LGR4: variants seen among roughly 807,000 people sequenced by gnomAD.
LGR4 encodes leucine rich repeat containing G protein-coupled receptor 4.
A neutral mutation model predicts 84.8 loss-of-function variants in LGR4; 44 were observed. The ratio of observed to expected loss-of-function variants is 0.52; its 90% CI spans 0.41 to 0.67. The LOEUF is 0.67. LGR4 is among the 30% of genes least tolerant of loss of function. The probability of loss-of-function intolerance (pLI) is 0.00; values close to 1 mark genes in which losing one functional copy is unlikely to be tolerated. For synonymous variants in LGR4, 429 were observed against 434.3 expected, an observed-to-expected ratio of 0.99 and a Z score of 0.15; for missense variants, 1,032 against 1,131.4, an observed-to-expected ratio of 0.91 and a Z score of 1.26.
chr11:27,437,367 A>G (rs1864230184), intron 1 of LGR4, among the ~76,000 whole-genome samples: 1 of 152,176 alleles, frequency 6.6e-6, no homozygotes, highest in Non-Finnish European at 1.5e-5. Flanking sequence ...CAGACCAAAG[A>G]CATGCTACTA....
chr11:27,429,794 AAAAG>A (rs1405245381), intron 1 of LGR4, among the ~76,000 whole-genome samples: 1 of 152,202 alleles, frequency 6.6e-6, no homozygotes, highest in East Asian at 1.9e-4. Context: ...AGAGCAAAGG[AAAAG>A]AAACACAAGG....
At position 27,368,476 on chromosome 11, in the gene LGR4, G is replaced by A. The variant is rs780915503; in HGVS notation, c.2247C>T (p.Val749=). 6.2e-7 allele frequency: 1 copy of A among 1,614,180 alleles called. No homozygotes were observed. The highest frequency in any genetic ancestry group is 2.2e-5 in the East Asian group (1 of 44,884). The change falls in exon 18 of 18, where the codon GTC becomes GTT. Residue 749 remains valine, a synonymous_variant. Coordinates refer to ENST00000379214, the MANE Select transcript of LGR4 (RefSeq NM_018490.5). The part of the protein sequence containing the change: ...ENSQSSMIKH[V]AWLIFTNCIF... ...TGCAATTGGTGAAGATTAGCCAAGC[G>A]ACATGCTTAATCATGCTAGATTGTG...
chr11:27,376,669 C>T (rs923887467), intron 12 of LGR4, among the ~76,000 whole-genome samples: 13 of 152,080 alleles, frequency 8.5e-5, no homozygotes, highest in African/African-American at 2.9e-4. Context: ...CCCCATCAAC[C>T]CCACTCAGGC....
intron 2 of LGR4, among the ~76,000 whole-genome samples, chr11:27,405,353 C>G (rs1863585857): frequency 6.6e-6 from 1 of 152,102 alleles, no homozygotes; most frequent in Non-Finnish European, 1.5e-5. Flanking sequence ...TCAAGTGTTT[C>G]CCAAGGAGTT....
intron 2 of LGR4, among the ~76,000 whole-genome samples, chr11:27,411,994 T>C (rs970249237): frequency 6.6e-6 from 1 of 152,236 alleles, no homozygotes; most frequent in African/African-American, 2.4e-5. Context: ...CCTACCTCTA[T>C]ATATTATATA....
chr11:27,425,215 T>A (rs1863999919), intron 1 of LGR4, among the ~76,000 whole-genome samples: 1 of 151,770 alleles, frequency 6.6e-6, no homozygotes, highest in South Asian at 2.1e-4. Context: ...AAATAAAAAA[T>A]AAAGAATGTA....
intron 1 of LGR4, among the ~76,000 whole-genome samples, chr11:27,462,950 G>C (rs1340366706): frequency 6.6e-6 from 1 of 151,288 alleles, no homozygotes; most frequent in Non-Finnish European, 1.5e-5. Context: ...AGAAGTCTGA[G>C]GGCCTGGCGC....
chr11:27,374,927 A>G (rs148063855), intron 13 of LGR4, among the ~76,000 whole-genome samples: 4 of 152,278 alleles, frequency 2.6e-5, no homozygotes, highest in African/African-American at 7.2e-5. Context: ...GGGATATACT[A>G]AAAAACTGTA....
chr11:27,393,942 G>T (rs866629093), intron 2 of LGR4, among the ~76,000 whole-genome samples: 4 of 121,440 alleles, frequency 3.3e-5, no homozygotes, highest in Non-Finnish European at 3.4e-5. Context: ...TGAAGATTGG[G>T]GGGGGGGGGG....
chr11:27,373,451 C>G, intron 15 of LGR4, 100 bp downstream of exon 15: 1 of 1,151,258 alleles, frequency 8.7e-7, no homozygotes, highest in Non-Finnish European at 1.2e-6. Context: ...AAATTATAGC[C>G]TATCAGAAAA....
At chr11:27,381,785 C>T (rs2127062) in intron 7 of LGR4, among the ~76,000 whole-genome samples, 36,604 of 152,104 alleles carry the variant, frequency 0.24, 5,620 homozygotes, top group East Asian at 0.45. Context: ...GGTCAAACTC[C>T]TTCCTTTTGG....
intron 1 of LGR4, among the ~76,000 whole-genome samples, chr11:27,467,566 C>CAAAAAAAAAAAAAAAAAAAAAAAAAA (rs761925670): frequency 1.9e-4 from 10 of 51,834 alleles, no homozygotes; most frequent in African/African-American, 5.2e-4. Flanking sequence ...GAGTCCGTCT[C>CAAAAAAAAAAAAAAAAAAAAAAAAAA]AAAAAAAAAA....
At chr11:27,391,231 G>A in intron 3 of LGR4, 66 bp from the exon 4 acceptor site, 1 of 628,796 alleles carries the variant, frequency 1.6e-6, no homozygotes. Context: ...GAAAAATTCA[G>A]AGCCTTTTTT....
intron 2 of LGR4, among the ~76,000 whole-genome samples, chr11:27,408,575 C>T (rs1248935789): frequency 2.0e-5 from 3 of 152,056 alleles, no homozygotes; most frequent in Non-Finnish European, 4.4e-5. Context: ...AGCCATCCCC[C>T]AAATGACTAC....
chr11:27,471,573 T>C (rs932234172), intron 1 of LGR4, among the ~76,000 whole-genome samples: 1 of 152,158 alleles, frequency 6.6e-6, no homozygotes, highest in Admixed American at 6.5e-5. Context: ...TGGGGCCAAA[T>C]TGGAAGGAGA....
Position 27,406,513 on chromosome 11 carries a change from T to C in LGR4, c.257+6276A>G, listed in dbSNP as rs372976398. On this transcript the variant is annotated intron_variant, in intron 2 of 17. Coordinates refer to ENST00000379214, the MANE Select transcript of LGR4 (RefSeq NM_018490.5). ...TGATAGCTCACAGAGTTTTATGAGT[T>C]AAAATAAAACAAAACAATGTTTTCT... Among the ~76,000 whole-genome samples, 3 of 152,242 alleles carry C rather than the reference T, an allele frequency of 2.0e-5. No homozygotes were observed. In the East Asian group the frequency reaches 5.8e-4, roughly 29 times the overall value.
chr11:27,458,081 G>T (rs1222055552), intron 1 of LGR4, among the ~76,000 whole-genome samples: 1 of 152,148 alleles, frequency 6.6e-6, no homozygotes, highest in Non-Finnish European at 1.5e-5. Flanking sequence ...AGTGAACTGT[G>T]ATCATGCCAC....
intron 1 of LGR4, among the ~76,000 whole-genome samples, chr11:27,462,758 C>T (rs1864704674): frequency 6.6e-6 from 1 of 152,028 alleles, no homozygotes; most frequent in African/African-American, 2.4e-5. Context: ...ATAATGCAAG[C>T]TGCCTCTTCT....
chr11:27,458,578 A>C (rs1455848249), intron 1 of LGR4, among the ~76,000 whole-genome samples: 1 of 150,994 alleles, frequency 6.6e-6, no homozygotes, highest in Non-Finnish European at 1.5e-5. Flanking sequence ...CGCTCTTTTC[A>C]CCCAGGCTGG....
Sources: gnomAD v4.1 joint callset for allele counts (sites outside exome capture counted in the v4.1 genomes callset) on GRCh38, gnomAD v4.1.1 for gene constraint, MANE v1.5 for transcripts, NCBI Gene and HGNC (gene_info 2026-07-23, HGNC 2026-07-21) for gene names.